The following RNF216 variants were observed in gnomAD, a reference collection of about 807,000 sequenced individuals.
The protein encoded by RNF216 is ring finger protein 216.
In RNF216, 72 loss-of-function variants were observed where a neutral mutation model predicts 110.8. That is an observed-to-expected ratio of 0.65 (90% CI 0.54 to 0.79). RNF216 has a LOEUF of 0.79. Among genes scored for constraint, RNF216 ranks in the 30% least tolerant of loss-of-function variants. The pLI, the probability that RNF216 is intolerant of heterozygous loss-of-function variation, is 0.00. For missense variants in RNF216, 1,342 were observed against 1,141.2 expected (o/e 1.18, Z -2.54); for synonymous variants, 495 against 407.5 (o/e 1.21, Z -2.59).
At chr7:5,660,423 A>T (rs1789039265) in intron 13 of RNF216, among the ~76,000 whole-genome samples, 1 of 141,864 alleles carries the variant, frequency 7.0e-6, no homozygotes, top group Admixed American at 7.0e-5. Context: ...TCTCGAGTAG[A>T]TGGGAATACA....
intron 4 of RNF216, 46 bp from the exon 5 acceptor site, chr7:5,739,398 G>C: frequency 1.3e-6 from 2 of 1,548,352 alleles, no homozygotes; most frequent in Non-Finnish European, 1.8e-6. Flanking sequence ...CACTAGAATG[G>C]TTTCAAATGG....
intron 13 of RNF216, among the ~76,000 whole-genome samples, chr7:5,660,112 A>G (rs1010293499): frequency 6.6e-6 from 1 of 151,758 alleles, no homozygotes; most frequent in Non-Finnish European, 1.5e-5. Context: ...GTGCCACCAC[A>G]GCTAAATTTT....
In RNF216 at chr7:5,639,323, T is replaced by C. The variant is rs571865448; in HGVS notation, c.2382+1831A>G. Among the ~76,000 whole-genome samples, 6 of 152,314 alleles carry C rather than the reference T, an allele frequency of 3.9e-5. No individual in the cohort carries two copies. In the South Asian group the frequency reaches 1.0e-3, roughly 26 times the overall value. On this transcript the variant is annotated intron_variant, in intron 15 of 16. Transcript: ENST00000389902. Reference sequence around the variant, plus strand: ...GGCAGAGTAGAATGCTGGAAGCAACTGGATCCCAGATAAGAGCTGCTAGCC... The same window carrying C: ...GGCAGAGTAGAATGCTGGAAGCAACCGGATCCCAGATAAGAGCTGCTAGCC...
chr7:5,629,789 T>C (rs980784012), intron 15 of RNF216, among the ~76,000 whole-genome samples: 3 of 125,184 alleles, frequency 2.4e-5, no homozygotes, highest in African/African-American at 3.2e-5. Flanking sequence ...ATGGTGCCAC[T>C]GCACTCCAGC....
At chr7:5,659,752 T>C (rs1270086255) in intron 13 of RNF216, among the ~76,000 whole-genome samples, 2 of 152,090 alleles carry the variant, frequency 1.3e-5, no homozygotes, top group Non-Finnish European at 2.9e-5. Flanking sequence ...CAGTCCTCCA[T>C]AAATAAGGGC....
At chr7:5,767,166 G>C (rs1424877651) in intron 1 of RNF216, among the ~76,000 whole-genome samples, 1 of 152,144 alleles carries the variant, frequency 6.6e-6, no homozygotes, top group Admixed American at 6.6e-5. Context: ...ACTACAGAAA[G>C]GACGAATATA....
intron 3 of RNF216, among the ~76,000 whole-genome samples, chr7:5,752,513 A>G (rs933302453): frequency 3.9e-5 from 6 of 152,236 alleles, no homozygotes; most frequent in Non-Finnish European, 7.3e-5. Context: ...ATTTAAGTGC[A>G]AGAATATCCA....
rs1038644003 is a variant in RNF216 at position 5,715,243 on chromosome 7, G to A, written c.1696-53C>T. Reference sequence around the variant, plus strand: ...AATGTCCTGCACTTAAGGAGAGGGGGAGCCTTGTCTCCCATCCTCATCTCT... The same window carrying A: ...AATGTCCTGCACTTAAGGAGAGGGGAAGCCTTGTCTCCCATCCTCATCTCT... On this transcript the variant is annotated intron_variant, in intron 10 of 16. Transcript: ENST00000389902. 6.4e-6 allele frequency: 10 copies of A among 1,568,742 alleles called. No homozygotes were observed. The African/African-American group carries it at 8.1e-5, about 13-fold the overall frequency.
chr7:5,726,933 G>A (rs1344086270), intron 7 of RNF216, among the ~76,000 whole-genome samples: 8 of 147,890 alleles, frequency 5.4e-5, no homozygotes, highest in Non-Finnish European at 8.8e-5. Context: ...GATTTGAAAC[G>A]GAAGGAAGGG....
At chr7:5,737,045 G>A (rs1416094209) in intron 5 of RNF216, among the ~76,000 whole-genome samples, 1 of 152,270 alleles carries the variant, frequency 6.6e-6, no homozygotes, top group African/African-American at 2.4e-5. Flanking sequence ...TATTGAGAAC[G>A]GGCCATGATG....
In RNF216 at chr7:5,730,708, C is replaced by G. The variant is rs1794035815; in HGVS notation, c.1224+7G>C. 1 of 1,599,762 alleles carries G rather than the reference C, an allele frequency of 6.3e-7. No individual in the cohort carries two copies. Among genetic ancestry groups the G allele is most frequent in the South Asian group, 1.1e-5 (1 of 89,970 alleles). On this transcript the variant is annotated splice_region_variant and intron_variant, in intron 6 of 16. Transcript: ENST00000389902. ...CAGTGACTGCAAAACATGAACATGA[C>G]ACTTGCCTTTGTCTCATCTTGGCTG...
At chr7:5,752,667 AGAAACAGACT>A (rs1795393239) in intron 3 of RNF216, among the ~76,000 whole-genome samples, 169 bp downstream of exon 3, 1 of 152,234 alleles carries the variant, frequency 6.6e-6, no homozygotes, top group Non-Finnish European at 1.5e-5. Flanking sequence ...TATTCAATCC[AGAAACAGACT>A]GAAACATACA....
At chr7:5,643,446 G>A (rs1206963601) in intron 14 of RNF216, among the ~76,000 whole-genome samples, 1 of 151,710 alleles carries the variant, frequency 6.6e-6, no homozygotes, top group African/African-American at 2.4e-5. Flanking sequence ...AGCCGGAGCT[G>A]TGACTGTGGT....
At chr7:5,743,330 A>C (rs570986430) in intron 3 of RNF216, among the ~76,000 whole-genome samples, 1 of 152,324 alleles carries the variant, frequency 6.6e-6, no homozygotes, top group South Asian at 2.1e-4. Flanking sequence ...ATTTTTTCAT[A>C]CTGTTCTATA....
chr7:5,684,795 C>A (rs750132409), intron 13 of RNF216, among the ~76,000 whole-genome samples: 10 of 151,818 alleles, frequency 6.6e-5, no homozygotes, highest in Non-Finnish European at 1.3e-4. Flanking sequence ...TTACAGAGTT[C>A]TTTCCTCTAG....
At position 5,624,405 on chromosome 7, in the gene RNF216, C is replaced by T. The variant is rs1786582028; in HGVS notation, c.2383-280G>A. On this transcript the variant is annotated intron_variant, in intron 15 of 16. Coordinates refer to ENST00000389902, the MANE Select transcript of RNF216 (RefSeq NM_207111.4). The surrounding 1 kb of genome is among the most constrained non-coding windows in gnomAD (Gnocchi z 4.4). Reference sequence around the variant, plus strand: ...CCTGGTGAGGTGGGGGGATGGAGGGCCTCCATGCACTGAGCTGCGTGCAAG... The same window carrying T: ...CCTGGTGAGGTGGGGGGATGGAGGGTCTCCATGCACTGAGCTGCGTGCAAG... 6.6e-6 allele frequency among the ~76,000 whole-genome samples: 1 copy of T among 152,230 alleles called. No homozygotes were observed. Among genetic ancestry groups the T allele is most frequent in the Admixed American group, 6.5e-5 (1 of 15,284 alleles).
chr7:5,780,969 A>T (rs1797052837), intron 1 of RNF216, among the ~76,000 whole-genome samples: 1 of 152,102 alleles, frequency 6.6e-6, no homozygotes, highest in South Asian at 2.1e-4. Flanking sequence ...CAGCGCCCGG[A>T]CACCCGAGCC....
intron 3 of RNF216, among the ~76,000 whole-genome samples, chr7:5,748,565 C>CAAAG (rs1795156928): frequency 6.6e-6 from 1 of 151,454 alleles, no homozygotes; most frequent in Non-Finnish European, 1.5e-5. Context: ...CTTAACCTTT[C>CAAAG]CTCAGCTTAC....
chr7:5,722,033 C>G (rs560065650), intron 8 of RNF216, among the ~76,000 whole-genome samples: 311 of 152,316 alleles, frequency 2.0e-3, no homozygotes, highest in African/African-American at 7.2e-3. Context: ...GCAATCCTCC[C>G]GCCTCAGCCT....
Sources: gnomAD v4.1 joint callset for allele counts (sites outside exome capture counted in the v4.1 genomes callset) on GRCh38, gnomAD v4.1.1 for gene constraint, Gnocchi (gnomAD v3.1) non-coding constraint, MANE v1.5 for transcripts, NCBI Gene and HGNC (gene_info 2026-07-23, HGNC 2026-07-21) for gene names.